The following CACNA1D variants were observed in gnomAD, a reference collection of about 807,000 sequenced individuals.
CACNA1D encodes the protein calcium voltage-gated channel subunit alpha1 D.
A neutral mutation model predicts 257.1 loss-of-function variants in CACNA1D; 55 were observed. The observed-to-expected ratio is 0.21, with a 90% CI of 0.17 to 0.27. The LOEUF (loss-of-function observed/expected upper bound fraction) is 0.27. Among genes scored for constraint, CACNA1D ranks in the 10% least tolerant of loss-of-function variants. The pLI is 1.00. For synonymous variants in CACNA1D, 980 were observed against 1,014.9 expected (o/e 0.97, Z 0.65); for missense variants, 1,876 against 2,784.0 (o/e 0.67, Z 7.34).
At chr3:53,605,672 G>A (rs2093500245) in intron 3 of CACNA1D, among the ~76,000 whole-genome samples, 1 of 152,168 alleles carries the variant, frequency 6.6e-6, no homozygotes, top group African/African-American at 2.4e-5. Flanking sequence ...TAAAACAGAA[G>A]CATAGCACAG....
chr3:53,653,993 A>AAT (rs1213380472), intron 4 of CACNA1D, among the ~76,000 whole-genome samples: 1 of 152,218 alleles, frequency 6.6e-6, no homozygotes, highest in Admixed American at 6.5e-5. Flanking sequence ...GCCAGAAGAC[A>AAT]ATAGAGAGAC....
At chr3:53,727,350 TATC>T (rs2094945664) in intron 15 of CACNA1D, among the ~76,000 whole-genome samples, 1 of 152,192 alleles carries the variant, frequency 6.6e-6, no homozygotes, top group African/African-American at 2.4e-5. Context: ...TTCTTTATGT[TATC>T]ATTATTGGGA....
intron 3 of CACNA1D, among the ~76,000 whole-genome samples, chr3:53,523,553 T>G (rs945686536): frequency 3.3e-5 from 5 of 152,206 alleles, no homozygotes; most frequent in Admixed American, 3.3e-4. Context: ...ATAGGCACAT[T>G]CCAAGTGCCA....
intron 3 of CACNA1D, among the ~76,000 whole-genome samples, chr3:53,560,061 C>CTTTTTTTTTTTT (rs34438908): frequency 1.9e-5 from 2 of 102,658 alleles, no homozygotes; most frequent in Non-Finnish European, 1.8e-5. Context: ...TTAGGAGTTC[C>CTTTTTTTTTTTT]TTTTTTTTTT....
intron 3 of CACNA1D, among the ~76,000 whole-genome samples, chr3:53,592,096 G>T (rs538890281): frequency 3.3e-5 from 5 of 152,378 alleles, no homozygotes; most frequent in African/African-American, 7.2e-5. Context: ...GTGAGGAGCA[G>T]CAGTGAACCA....
intron 8 of CACNA1D, chr3:53,679,913 C>G (rs1368799039): frequency 6.6e-6 from 1 of 152,196 alleles, no homozygotes; most frequent in Non-Finnish European, 1.5e-5. Flanking sequence ...GAACAAGAAA[C>G]TAAGCTCTGA....
intron 38 of CACNA1D, 27 bp from the exon 39 acceptor site, chr3:53,781,539 T>C (rs979494207): frequency 4.7e-6 from 7 of 1,483,738 alleles, no homozygotes; most frequent in East Asian, 2.3e-5. Flanking sequence ...TGAGGCTTGC[T>C]TTTCCCCTTT....
intron 8 of CACNA1D, among the ~76,000 whole-genome samples, chr3:53,685,835 T>G (rs1311597097): frequency 6.6e-6 from 1 of 152,108 alleles, no homozygotes; most frequent in Non-Finnish European, 1.5e-5. Context: ...AAGAAAGGTT[T>G]AAACTCAGTA....
chr3:53,797,161 T>G (rs1180642239), intron 40 of CACNA1D, among the ~76,000 whole-genome samples: 1 of 152,246 alleles, frequency 6.6e-6, no homozygotes, highest in African/African-American at 2.4e-5. Context: ...TTGGAACTTG[T>G]GCCTATGGAA....
chr3:53,596,121 A>T (rs921255127), intron 3 of CACNA1D, among the ~76,000 whole-genome samples: 5 of 152,150 alleles, frequency 3.3e-5, no homozygotes, highest in Non-Finnish European at 5.9e-5. Context: ...TGTGTGCTGT[A>T]TCACAGTTCT....
intron 3 of CACNA1D, among the ~76,000 whole-genome samples, chr3:53,600,625 T>G (rs2093429483): frequency 6.6e-6 from 1 of 152,224 alleles, no homozygotes; most frequent in African/African-American, 2.4e-5. Context: ...CCTTTTAATC[T>G]GCTTATTATA....
intron 30 of CACNA1D, among the ~76,000 whole-genome samples, chr3:53,762,330 T>C (rs774826181): frequency 1.3e-5 from 2 of 152,252 alleles, no homozygotes; most frequent in African/African-American, 2.4e-5. Flanking sequence ...CCCTGGTCAC[T>C]AGTAGGCAAG....
chr3:53,710,939 G>C (rs1432327727), intron 9 of CACNA1D, among the ~76,000 whole-genome samples: 1 of 152,146 alleles, frequency 6.6e-6, no homozygotes, highest in Non-Finnish European at 1.5e-5. Context: ...GCAGCTTTAA[G>C]AATGAAATTA....
rs539680991 is a variant in CACNA1D, at chr3:53,795,018, C to G, written c.4924-5231C>G. ...CTGCCCTAACTGGAGCCCTTCTCCC[C>G]CTCCAGCCCCTTCCCAGTCTCAGCC... On this transcript the variant is annotated intron_variant, in intron 40 of 47. Coordinates refer to ENST00000350061, the MANE Select transcript of CACNA1D (RefSeq NM_001128840.3). Among the ~76,000 whole-genome samples the G allele has an allele frequency of 6.6e-5, 10 of 152,364 alleles. No homozygotes were observed. In the East Asian group the frequency reaches 1.2e-3, roughly 18 times the overall value.
chr3:53,681,907 G>A (rs767257619), intron 8 of CACNA1D, among the ~76,000 whole-genome samples: 32 of 134,860 alleles, frequency 2.4e-4, no homozygotes, highest in Non-Finnish European at 4.0e-4. Context: ...CAGAAAGGAG[G>A]TACAGTAGGA....
intron 3 of CACNA1D, among the ~76,000 whole-genome samples, chr3:53,511,425 C>G (rs2107244991): frequency 6.6e-6 from 1 of 152,262 alleles, no homozygotes; most frequent in South Asian, 2.1e-4. Context: ...CACGCTCATT[C>G]AGAGCAGCAC....
chr3:53,682,337 G>C (rs2094437208), intron 8 of CACNA1D, among the ~76,000 whole-genome samples: 1 of 128,872 alleles, frequency 7.8e-6, no homozygotes, highest in Admixed American at 8.9e-5. Context: ...AAACCAGCCT[G>C]GGCGACATAG....
rs1433089928 is a variant in CACNA1D, at chr3:53,495,895, G to A, written c.67+662G>A. 6.6e-6 allele frequency among the ~76,000 whole-genome samples: 1 copy of A among 152,240 alleles called. No homozygotes were observed. The highest frequency in any genetic ancestry group is 1.5e-5 in the Non-Finnish European group (1 of 68,048). ...AGCTCTGGCCCGGGCACCACGTGCA[G>A]CTTCCACGCCGGCCGGGGCTGGGTC... On this transcript the variant is annotated intron_variant, in intron 1 of 47. Transcript: ENST00000350061. The surrounding 1 kb of genome is among the most constrained non-coding windows in gnomAD (Gnocchi z 5.1).
At chr3:53,659,011 G>T (rs1259634556) in intron 4 of CACNA1D, among the ~76,000 whole-genome samples, 1 of 152,162 alleles carries the variant, frequency 6.6e-6, no homozygotes, top group Non-Finnish European at 1.5e-5. Flanking sequence ...CGCCAGTGGG[G>T]GCAGTTTCTG....
Sources: allele counts gnomAD v4.1 joint callset (sites outside exome capture counted in the v4.1 genomes callset), GRCh38; gene constraint gnomAD v4.1.1; non-coding constraint Gnocchi (gnomAD v3.1); transcripts MANE v1.5; gene names NCBI Gene and HGNC (gene_info 2026-07-23, HGNC 2026-07-21).